Variants in APBA2 observed in about 807,000 individuals in gnomAD.
APBA2 encodes the protein amyloid-beta A4 precursor protein-binding family A member 2.
In APBA2, 30 loss-of-function variants were observed where a neutral mutation model predicts 75.0. The ratio of observed to expected loss-of-function variants is 0.40; its 90% CI spans 0.30 to 0.54. The LOEUF (loss-of-function observed/expected upper bound fraction) is 0.54. Among genes scored for constraint, APBA2 ranks in the 20% least tolerant of loss-of-function variants. APBA2 has a pLI of 0.49. For synonymous variants in APBA2, 444 were observed against 409.6 expected (o/e 1.08, Z -1.01); for missense variants, 801 against 1,016.1 (o/e 0.79, Z 2.88).
chr15:28,950,493 G>C lies in APBA2; in HGVS notation c.-95+28744G>C, dbSNP rs576744004. ...ATACAAAAAATTAGCCAGGCGTGGT[G>C]GTGGGCACCTGTAGTCCCAGCTACT... On this transcript the variant is annotated intron_variant, in intron 2 of 14. Transcript: ENST00000683413. Among the ~76,000 whole-genome samples, 2 of 152,096 alleles carry C rather than the reference G, an allele frequency of 1.3e-5. 1 individual carries two copies. The highest frequency in any genetic ancestry group is 1.3e-4 in the Admixed American group (2 of 15,258).
At chr15:29,052,537 C>T (rs1024469830) in intron 3 of APBA2, among the ~76,000 whole-genome samples, 1 of 151,944 alleles carries the variant, frequency 6.6e-6, no homozygotes, top group Non-Finnish European at 1.5e-5. Flanking sequence ...CCCTTGCTTT[C>T]CCCCAGAAGA....
At chr15:29,052,995 T>C (rs1219655586) in intron 3 of APBA2, among the ~76,000 whole-genome samples, 1 of 152,174 alleles carries the variant, frequency 6.6e-6, no homozygotes, top group Non-Finnish European at 1.5e-5. Context: ...CTCTCAACAC[T>C]GTTGCATTAG....
intron 2 of APBA2, among the ~76,000 whole-genome samples, chr15:28,935,581 G>A (rs2034816345): frequency 6.6e-6 from 1 of 152,186 alleles, no homozygotes; most frequent in South Asian, 2.1e-4. Flanking sequence ...GTTCAGGGTT[G>A]CAGCGCCCAG....
At chr15:28,916,828 C>T (rs1422813665) in intron 1 of APBA2, among the ~76,000 whole-genome samples, 2 of 152,144 alleles carry the variant, frequency 1.3e-5, no homozygotes, top group Non-Finnish European at 2.9e-5. Flanking sequence ...TTTATGGGTA[C>T]TTAGGTTTCC....
At chr15:29,025,781 A>G (rs890562696) in intron 3 of APBA2, among the ~76,000 whole-genome samples, 6 of 151,688 alleles carry the variant, frequency 4.0e-5, no homozygotes, top group Admixed American at 2.0e-4. Flanking sequence ...GTGAAACCCC[A>G]TCTCTGCAAA....
Position 29,068,763 on chromosome 15 carries a change from C to A in APBA2, c.952-6158C>A, listed in dbSNP as rs892087515. On this transcript the variant is annotated intron_variant, in intron 4 of 14. Coordinates refer to ENST00000683413, the MANE Select transcript of APBA2 (RefSeq NM_001353788.2). Reference sequence around the variant, plus strand: ...TAGCTCAGTACAAGCTGGCGGATGACCTCCGTAGAGCTTAGGTGAAGGGGC... The same window carrying A: ...TAGCTCAGTACAAGCTGGCGGATGAACTCCGTAGAGCTTAGGTGAAGGGGC... Among the ~76,000 whole-genome samples the A allele has an allele frequency of 5.9e-5, 9 of 152,306 alleles. No individual in the cohort carries two copies. The East Asian group carries it at 1.7e-3, about 29-fold the overall frequency.
intron 3 of APBA2, among the ~76,000 whole-genome samples, chr15:29,003,538 A>T (rs1454418336): frequency 6.6e-6 from 1 of 152,208 alleles, no homozygotes; most frequent in East Asian, 1.9e-4. Flanking sequence ...ATGGAGGTGG[A>T]ATAGTTTCAG....
chr15:28,911,270 A>G (rs1161460172), intron 1 of APBA2, among the ~76,000 whole-genome samples: 1 of 152,096 alleles, frequency 6.6e-6, no homozygotes, highest in Non-Finnish European at 1.5e-5. Context: ...CTTTCACTCT[A>G]TTCAGTGAGG....
chr15:28,934,871 A>C (rs968207740), intron 2 of APBA2, among the ~76,000 whole-genome samples: 1 of 152,178 alleles, frequency 6.6e-6, no homozygotes, highest in African/African-American at 2.4e-5. Flanking sequence ...TCAGGAGAGC[A>C]GGTGGGAAGG....
At chr15:29,018,277 C>T (rs1314361768) in intron 3 of APBA2, among the ~76,000 whole-genome samples, 1 of 152,080 alleles carries the variant, frequency 6.6e-6, no homozygotes. Context: ...GTGACAGTGC[C>T]GGGCCTCTGG....
chr15:28,961,814 C>T (rs1184005457), intron 2 of APBA2, among the ~76,000 whole-genome samples: 1 of 152,204 alleles, frequency 6.6e-6, no homozygotes, highest in Non-Finnish European at 1.5e-5. Context: ...TTTAATCAGT[C>T]TCGGGTATAG....
intron 2 of APBA2, among the ~76,000 whole-genome samples, chr15:28,949,207 C>T (rs2035717009): frequency 6.6e-6 from 1 of 152,060 alleles, no homozygotes; most frequent in South Asian, 2.1e-4. Context: ...GCCACTGAAA[C>T]CTTCCGAAAA....
intron 2 of APBA2, among the ~76,000 whole-genome samples, chr15:28,976,346 G>A (rs998235887): frequency 5.9e-5 from 9 of 152,148 alleles, no homozygotes; most frequent in African/African-American, 2.2e-4. Context: ...TCTTACTTCT[G>A]TGGTTGGGAG....
chr15:29,050,838 G>T (rs138675938), intron 3 of APBA2, among the ~76,000 whole-genome samples: 1 of 152,216 alleles, frequency 6.6e-6, no homozygotes, highest in Non-Finnish European at 1.5e-5. Context: ...TAACAAGGAT[G>T]TGCATACCTT....
At chr15:28,900,699 G>A (rs182453627) in intron 1 of APBA2, among the ~76,000 whole-genome samples, 9 of 152,194 alleles carry the variant, frequency 5.9e-5, no homozygotes, top group South Asian at 2.1e-4. Context: ...CCTGGGCGGC[G>A]CCCCTGTGTG....
At chr15:28,925,146 G>A (rs1488350121) in intron 2 of APBA2, among the ~76,000 whole-genome samples, 1 of 152,074 alleles carries the variant, frequency 6.6e-6, no homozygotes, top group Admixed American at 6.6e-5. Context: ...ATATGATTTT[G>A]TCTCTTTAGT....
At chr15:28,915,978 CA>C (rs1188090029) in intron 1 of APBA2, among the ~76,000 whole-genome samples, 1 of 152,138 alleles carries the variant, frequency 6.6e-6, no homozygotes, top group East Asian at 1.9e-4. Context: ...GTATCTGACG[CA>C]CACAGCACAC....
chr15:29,108,204 C>T (rs2044533574), intron 12 of APBA2, 66 bp from the exon 13 acceptor site: 5 of 1,608,836 alleles, frequency 3.1e-6, no homozygotes, highest in Admixed American at 1.7e-5. Flanking sequence ...CTGCCAGCCT[C>T]GCTCATCCTG....
intron 3 of APBA2, among the ~76,000 whole-genome samples, chr15:29,043,616 A>G (rs777121894): frequency 5.9e-5 from 9 of 152,258 alleles, no homozygotes; most frequent in Non-Finnish European, 1.2e-4. Flanking sequence ...AATAAATCAT[A>G]ACAATACATA....
Sources: allele counts gnomAD v4.1 joint callset (sites outside exome capture counted in the v4.1 genomes callset), GRCh38; gene constraint gnomAD v4.1.1; transcripts MANE v1.5; gene names NCBI Gene and HGNC (gene_info 2026-07-23, HGNC 2026-07-21).